GPR158: variants seen among roughly 807,000 people sequenced by gnomAD.
GPR158 encodes the protein G protein-coupled receptor 158.
A neutral mutation model predicts 78.2 loss-of-function variants in GPR158; 30 were observed. The ratio of observed to expected loss-of-function variants is 0.38; its 90% CI spans 0.29 to 0.52. The LOEUF is 0.52. Ranked by LOEUF, GPR158 falls within the 20% of genes least tolerant of loss-of-function variation. The probability of loss-of-function intolerance (pLI) is 0.83; values close to 1 mark genes in which losing one functional copy is unlikely to be tolerated. For missense variants in GPR158, 1,463 were observed against 1,523.5 expected (o/e 0.96, Z 0.66); for synonymous variants, 581 against 591.1 (o/e 0.98, Z 0.25).
intron 2 of GPR158, among the ~76,000 whole-genome samples, chr10:25,298,819 T>A (rs185517632): frequency 5.4e-4 from 83 of 152,338 alleles, no homozygotes; most frequent in Admixed American, 9.1e-4. Context: ...TAGTTTGTTT[T>A]TATTTCTCTT....
intron 2 of GPR158, among the ~76,000 whole-genome samples, chr10:25,233,022 A>C (rs1310551982): frequency 6.6e-6 from 1 of 152,240 alleles, no homozygotes; most frequent in Admixed American, 6.5e-5. Context: ...CAAATGGAGA[A>C]TATTTAGAGC....
At chr10:25,448,456 T>C (rs1835170206) in intron 4 of GPR158, among the ~76,000 whole-genome samples, 1 of 152,206 alleles carries the variant, frequency 6.6e-6, no homozygotes, top group Non-Finnish European at 1.5e-5. Flanking sequence ...CACTTTTTCC[T>C]TTCTATTTCC....
intron 4 of GPR158, among the ~76,000 whole-genome samples, chr10:25,426,446 A>G (rs2130568994): frequency 6.6e-6 from 1 of 152,152 alleles, no homozygotes; most frequent in Middle Eastern, 3.4e-3. Context: ...AATCATTTCT[A>G]GCTTTTGATT....
At chr10:25,191,873 T>C (rs1852775983) in intron 1 of GPR158, among the ~76,000 whole-genome samples, 1 of 151,222 alleles carries the variant, frequency 6.6e-6, no homozygotes, top group East Asian at 1.9e-4. Flanking sequence ...TTTGGGGTTT[T>C]TTGTTTTCTC....
intron 5 of GPR158, among the ~76,000 whole-genome samples, chr10:25,479,085 G>T (rs1835628800): frequency 1.3e-5 from 2 of 152,100 alleles, no homozygotes; most frequent in Admixed American, 1.3e-4. Flanking sequence ...TTGCTATTGT[G>T]AGTAGTGCTG....
chr10:25,512,984 G>A (rs1158748817), intron 5 of GPR158, among the ~76,000 whole-genome samples: 1 of 151,984 alleles, frequency 6.6e-6, no homozygotes, highest in South Asian at 2.1e-4. Context: ...ATATTTGTCT[G>A]TAGTTTTCTT....
chr10:25,411,708 G>A (rs1405130283), intron 3 of GPR158, among the ~76,000 whole-genome samples: 2 of 151,996 alleles, frequency 1.3e-5, no homozygotes, highest in East Asian at 3.9e-4. Context: ...GGCAGAGATG[G>A]GCGGATCACA....
At chr10:25,416,322 C>G (rs1391795220) in intron 4 of GPR158, among the ~76,000 whole-genome samples, 1 of 152,160 alleles carries the variant, frequency 6.6e-6, no homozygotes, top group Non-Finnish European at 1.5e-5. Flanking sequence ...GGTACACATG[C>G]AATCGCAGAT....
chr10:25,389,047 G>A (rs1834258484), intron 2 of GPR158, among the ~76,000 whole-genome samples: 1 of 152,244 alleles, frequency 6.6e-6, no homozygotes, highest in Non-Finnish European at 1.5e-5. Flanking sequence ...GGGAAGCTTG[G>A]CAGTGGCCTG....
intron 2 of GPR158, among the ~76,000 whole-genome samples, chr10:25,362,179 T>A (rs963090394): frequency 6.6e-6 from 1 of 152,024 alleles, no homozygotes; most frequent in African/African-American, 2.4e-5. Flanking sequence ...CATTTGGATA[T>A]CCAGATTATT....
At chr10:25,557,418 C>T (rs1434653695) in intron 6 of GPR158, among the ~76,000 whole-genome samples, 1 of 152,172 alleles carries the variant, frequency 6.6e-6, no homozygotes, top group Non-Finnish European at 1.5e-5. Context: ...ATGGCTCCCC[C>T]AGAAACCATG....
intron 1 of GPR158, among the ~76,000 whole-genome samples, chr10:25,184,138 G>A (rs1227571570): frequency 6.6e-6 from 1 of 152,174 alleles, no homozygotes; most frequent in Non-Finnish European, 1.5e-5. Context: ...CCAACTTGCA[G>A]CAAAATATTC....
chr10:25,395,886 T>C (rs746213398), intron 2 of GPR158, 25 bp from the exon 3 acceptor site: 2 of 1,134,486 alleles, frequency 1.8e-6, no homozygotes, highest in Non-Finnish European at 2.7e-6. Context: ...TGATCAACTA[T>C]GTTGCTGTCT....
chr10:25,461,962 G>A (rs924820171), intron 4 of GPR158, among the ~76,000 whole-genome samples: 25 of 151,948 alleles, frequency 1.6e-4, no homozygotes, highest in East Asian at 5.8e-4. Flanking sequence ...GGATGGTCTC[G>A]ATCTCCTGAC....
At chr10:25,456,224 G>A (rs776892189) in intron 4 of GPR158, among the ~76,000 whole-genome samples, 1 of 152,070 alleles carries the variant, frequency 6.6e-6, no homozygotes, top group Non-Finnish European at 1.5e-5. Context: ...TTGCTGAAAC[G>A]CTTATCACAC....
intron 2 of GPR158, among the ~76,000 whole-genome samples, chr10:25,344,871 T>G (rs533315860): frequency 6.6e-6 from 1 of 152,060 alleles, no homozygotes; most frequent in South Asian, 2.1e-4. Context: ...TGCCAGCAGA[T>G]TTTCTGGTGA....
intron 7 of GPR158, among the ~76,000 whole-genome samples, chr10:25,585,320 G>A (rs1377618510): frequency 6.6e-6 from 1 of 152,086 alleles, no homozygotes; most frequent in Non-Finnish European, 1.5e-5. Context: ...TATCTACATT[G>A]TCCCAGTACT....
At chr10:25,284,689 T>G (rs1854322470) in intron 2 of GPR158, among the ~76,000 whole-genome samples, 1 of 151,966 alleles carries the variant, frequency 6.6e-6, no homozygotes, top group Non-Finnish European at 1.5e-5. Context: ...GTTCTTTATT[T>G]TTTCTCTTTT....
At chr10:25,375,164 C>T (rs151019298) in intron 2 of GPR158, among the ~76,000 whole-genome samples, 2 of 151,738 alleles carry the variant, frequency 1.3e-5, no homozygotes, top group African/African-American at 4.8e-5. Flanking sequence ...TTTTCATGTA[C>T]TTATTTTTCA....
Sources: gnomAD v4.1 joint callset for allele counts (sites outside exome capture counted in the v4.1 genomes callset) on GRCh38, gnomAD v4.1.1 for gene constraint, MANE v1.5 for transcripts, NCBI Gene and HGNC (gene_info 2026-07-23, HGNC 2026-07-21) for gene names.